The following OTUD7A variants were observed in gnomAD, a reference collection of about 807,000 sequenced individuals.
OTUD7A encodes OTU deubiquitinase 7A, also known as OTU domain-containing protein 7A.
Under a neutral mutation model 65.7 loss-of-function variants are expected in OTUD7A, and 12 were observed. That is an observed-to-expected ratio of 0.18 (90% CI 0.12 to 0.30). OTUD7A has a LOEUF of 0.30. OTUD7A is among the 10% of genes least tolerant of loss of function. The pLI is 1.00. For missense variants in OTUD7A, 1,148 were observed against 1,304.8 expected, an observed-to-expected ratio of 0.88 and a Z score of 1.85; for synonymous variants, 641 against 586.3, an observed-to-expected ratio of 1.09 and a Z score of -1.35.
At chr15:31,860,133 A>T (rs1897680933) in intron 1 of OTUD7A, among the ~76,000 whole-genome samples, 1 of 152,056 alleles carries the variant, frequency 6.6e-6, no homozygotes, top group African/African-American at 2.4e-5. Flanking sequence ...CAACTAATTT[A>T]TTTCATTCTT....
chr15:31,493,797 T>C (rs182459859), intron 10 of OTUD7A, among the ~76,000 whole-genome samples: 13 of 152,332 alleles, frequency 8.5e-5, no homozygotes, highest in Non-Finnish European at 1.6e-4. Flanking sequence ...AACGAATAGT[T>C]TGAACGGAAT....
chr15:31,498,332 T>C lies in OTUD7A; in HGVS notation c.1171+3358A>G, dbSNP rs976273595. On this transcript the variant is annotated intron_variant, in intron 10 of 12. Transcript: ENST00000307050. This position sits in a 1 kb window ranked among gnomAD's most constrained non-coding sequence, Gnocchi z 4.2. ...TTTATTACATTGGTTTCCTTTGATT[T>C]CTCCTGATGTGGGGGTACTAAATGG... Among the ~76,000 whole-genome samples the C allele has an allele frequency of 5.3e-5, 8 of 152,182 alleles. No individual in the cohort carries two copies. Among genetic ancestry groups the C allele is most frequent in the Non-Finnish European group, 4.4e-5 (3 of 68,038 alleles).
chr15:31,767,964 G>A (rs1455300381), intron 1 of OTUD7A: 15 of 1,559,764 alleles, frequency 9.6e-6, no homozygotes, highest in South Asian at 6.7e-5. Context: ...TCAATTATAC[G>A]ATTCTTAAGA....
chr15:31,558,910 G>C (rs1888588597), intron 5 of OTUD7A, 59 bp downstream of exon 5: 1 of 1,566,386 alleles, frequency 6.4e-7, no homozygotes, highest in African/African-American at 1.4e-5. Flanking sequence ...GAGTAGGTTA[G>C]GCCAGCTCAC....
chr15:31,785,559 T>C (rs1044081587), intron 1 of OTUD7A, among the ~76,000 whole-genome samples: 1 of 152,306 alleles, frequency 6.6e-6, no homozygotes, highest in Middle Eastern at 3.4e-3. Context: ...CCTATTATCC[T>C]GACCAACTTG....
At chr15:31,640,596 G>C (rs2141261386) in intron 3 of OTUD7A, among the ~76,000 whole-genome samples, 1 of 152,168 alleles carries the variant, frequency 6.6e-6, no homozygotes, top group Non-Finnish European at 1.5e-5. Flanking sequence ...TTGTTGAAAA[G>C]ATTATTTTTT....
Position 31,479,357 on chromosome 15 carries a change from G to C in OTUD7A, c.*3937C>G, listed in dbSNP as rs2141052634. 1 of 152,222 alleles carries C rather than the reference G, an allele frequency of 6.6e-6. No homozygotes were observed. The highest frequency in any genetic ancestry group is 1.9e-4 in the East Asian group (1 of 5,184). 9.4% of individuals were successfully genotyped at this position (152,222 alleles called of 1,614,324 possible). On this transcript the variant is annotated 3_prime_UTR_variant, in exon 13 of 13. Transcript: ENST00000307050. ...AAGCACTGAGGAAAGAAAAAGGACA[G>C]AACACTGGGGGTACTTAATTTTAAA...
intron 1 of OTUD7A, among the ~76,000 whole-genome samples, chr15:31,775,634 G>A (rs1372678496): frequency 2.6e-5 from 4 of 152,282 alleles, no homozygotes; most frequent in Admixed American, 2.0e-4. Context: ...GTAACAAAAC[G>A]TGATCTGTTT....
intron 1 of OTUD7A, among the ~76,000 whole-genome samples, chr15:31,672,282 AT>A (rs2141297022): frequency 6.6e-6 from 1 of 151,752 alleles, no homozygotes; most frequent in Non-Finnish European, 1.5e-5. Flanking sequence ...CCTTCCTCTA[AT>A]TTTTTCCTGT....
rs765295805 is a variant in OTUD7A at position 31,487,599 on chromosome 15, C to A, written c.1172-33G>T. The A allele has an allele frequency of 1.0e-5, 16 of 1,564,916 alleles. No individual in the cohort carries two copies. Among genetic ancestry groups the A allele is most frequent in the Non-Finnish European group, 1.4e-5 (16 of 1,148,500 alleles). On this transcript the variant is annotated intron_variant, in intron 10 of 12. Transcript: ENST00000307050. The surrounding 1 kb of genome is among the most constrained non-coding windows in gnomAD (Gnocchi z 6.0). ...AGAAGAGACAGAGCCGTGCTTGGAGCCCCGGCAGTCCCCAGGCAGGATGGC... is the reference window on the plus strand; with the variant it reads ...AGAAGAGACAGAGCCGTGCTTGGAGACCCGGCAGTCCCCAGGCAGGATGGC...
intron 3 of OTUD7A, among the ~76,000 whole-genome samples, chr15:31,600,890 A>G (rs908876749): frequency 2.0e-5 from 3 of 152,244 alleles, no homozygotes; most frequent in Admixed American, 6.5e-5. Context: ...TAAAGTGATC[A>G]AGGCAACAAG....
At chr15:31,485,125 C>G (rs962164789) in intron 12 of OTUD7A, among the ~76,000 whole-genome samples, 1 of 152,188 alleles carries the variant, frequency 6.6e-6, no homozygotes, top group African/African-American at 2.4e-5. Flanking sequence ...CGGTCAGGTT[C>G]AGACTCTGGC....
At chr15:31,534,692 A>AT (rs996273244) in intron 5 of OTUD7A, among the ~76,000 whole-genome samples, 1 of 152,180 alleles carries the variant, frequency 6.6e-6, no homozygotes, top group Non-Finnish European at 1.5e-5. Flanking sequence ...CTAATAAGCA[A>AT]TTTTTTAAGG....
intron 3 of OTUD7A, among the ~76,000 whole-genome samples, chr15:31,579,185 A>C (rs1420404225): frequency 6.6e-6 from 1 of 152,226 alleles, no homozygotes; most frequent in Non-Finnish European, 1.5e-5. Context: ...AGGAAAAAAC[A>C]TGAGGCAGGA....
chr15:31,479,694 C>T lies in OTUD7A; in HGVS notation c.*3600G>A, dbSNP rs2041087790. On this transcript the variant is annotated 3_prime_UTR_variant, in exon 13 of 13. Coordinates refer to ENST00000307050, the MANE Select transcript of OTUD7A (RefSeq NM_001382637.1). ...GGGGGTGATGGGCCCATGACCCCTC[C>T]CCAGAGACAGGGCGGGCTCTGCATG... is the stretch of plus-strand genomic sequence containing the variant. The T allele has an allele frequency of 6.6e-6, 1 of 151,674 alleles. No individual in the cohort carries two copies. Among genetic ancestry groups the T allele is most frequent in the Non-Finnish European group, 1.5e-5 (1 of 67,948 alleles). The allele number at this position is 151,674 out of a possible 1,614,324, so 9.4% of individuals were successfully genotyped here.
At chr15:31,611,056 T>C (rs574327917) in intron 3 of OTUD7A, among the ~76,000 whole-genome samples, 6 of 152,198 alleles carry the variant, frequency 3.9e-5, no homozygotes, top group Non-Finnish European at 8.8e-5. Context: ...TGAATGATCA[T>C]TGGGTCAAAA....
chr15:31,626,902 T>C (rs1193566991), intron 3 of OTUD7A, among the ~76,000 whole-genome samples: 10 of 143,216 alleles, frequency 7.0e-5, no homozygotes, highest in Non-Finnish European at 1.1e-4. Flanking sequence ...TTGTTTTGTT[T>C]TTTTGTTTTT....
At chr15:31,627,424 C>T (rs1165777885) in intron 3 of OTUD7A, among the ~76,000 whole-genome samples, 1 of 151,930 alleles carries the variant, frequency 6.6e-6, no homozygotes, top group African/African-American at 2.4e-5. Context: ...ATGAACTCAC[C>T]ATTTTTTATG....
intron 1 of OTUD7A, among the ~76,000 whole-genome samples, chr15:31,806,459 T>C (rs1418442618): frequency 6.6e-6 from 1 of 152,246 alleles, no homozygotes; most frequent in African/African-American, 2.4e-5. Flanking sequence ...GTCTGTTTAA[T>C]ATATTGAACC....
Sources: allele counts gnomAD v4.1 joint callset (sites outside exome capture counted in the v4.1 genomes callset), GRCh38; gene constraint gnomAD v4.1.1; non-coding constraint Gnocchi (gnomAD v3.1); transcripts MANE v1.5; gene names NCBI Gene and HGNC (gene_info 2026-07-23, HGNC 2026-07-21).